RNF128: variants seen among roughly 807,000 people sequenced by gnomAD.
The protein encoded by RNF128 is E3 ubiquitin-protein ligase RNF128.
In RNF128, 13 loss-of-function variants were observed where a neutral mutation model predicts 26.2. The ratio of observed to expected loss-of-function variants is 0.50; its 90% CI spans 0.32 to 0.79. The LOEUF (loss-of-function observed/expected upper bound fraction) is 0.79. Ranked by LOEUF, RNF128 falls within the 30% of genes least tolerant of loss-of-function variation. RNF128 has a pLI of 0.03. For missense variants in RNF128, 315 were observed against 349.7 expected (o/e 0.90, Z 0.79); for synonymous variants, 149 against 142.5 (o/e 1.05, Z -0.32).
chrX:106,704,740 A>G (rs1032954064), intron 1 of RNF128, among the ~76,000 whole-genome samples: 1 of 111,854 alleles, frequency 8.9e-6, no homozygotes, highest in African/African-American at 3.2e-5. Context: ...TGAGTAGTAC[A>G]GAGAGAGGAG....
At chrX:106,731,942 C>T (rs747425876) in intron 1 of RNF128, among the ~76,000 whole-genome samples, 4 of 111,770 alleles carry the variant, frequency 3.6e-5, no homozygotes, top group Non-Finnish European at 5.6e-5. Context: ...CATCAGAACA[C>T]AGCTCTGATC....
At chrX:106,776,446 T>C (rs755016576) in intron 2 of RNF128, among the ~76,000 whole-genome samples, 106 of 111,776 alleles carry the variant, frequency 9.5e-4, no homozygotes, top group Non-Finnish European at 1.6e-3. Context: ...TAGAAGGAAA[T>C]CATCTTCCAA....
At chrX:106,735,544 TATA>T (rs1929581423) in intron 1 of RNF128, among the ~76,000 whole-genome samples, 1 of 111,903 alleles carries the variant, frequency 8.9e-6, no homozygotes, top group Non-Finnish European at 1.9e-5. Flanking sequence ...CTGACTTTCT[TATA>T]ATGAATGTTT....
intron 1 of RNF128, among the ~76,000 whole-genome samples, chrX:106,735,488 A>G (rs1366707634): frequency 8.9e-6 from 1 of 112,035 alleles, no homozygotes; most frequent in Non-Finnish European, 1.9e-5. Flanking sequence ...TGGTGAAATT[A>G]TAGGAGAAAG....
At chrX:106,787,362 A>G (rs757675118) in intron 3 of RNF128, among the ~76,000 whole-genome samples, 11 of 111,561 alleles carry the variant, frequency 9.9e-5, no homozygotes, top group Non-Finnish European at 1.9e-4. Flanking sequence ...TAGATAATGC[A>G]TGATTCCATT....
chrX:106,736,244 G>C (rs571571413), intron 1 of RNF128, among the ~76,000 whole-genome samples: 54 of 111,487 alleles, frequency 4.8e-4, no homozygotes, highest in South Asian at 2.6e-3. Context: ...TGAGTTACTT[G>C]TTTTTAAAAT....
intron 1 of RNF128, among the ~76,000 whole-genome samples, chrX:106,765,809 T>C (rs1930213422): frequency 9.0e-6 from 1 of 111,182 alleles, no homozygotes; most frequent in Admixed American, 9.6e-5. Context: ...GTTGGTGTGC[T>C]GCACCCATTA....
intron 1 of RNF128, among the ~76,000 whole-genome samples, chrX:106,718,527 C>G (rs936838653): frequency 9.1e-6 from 1 of 109,813 alleles, no homozygotes; most frequent in African/African-American, 3.3e-5. Flanking sequence ...TACCTCCCCC[C>G]ACCCCCCAGC....
chrX:106,751,537 G>A (rs1336051080), intron 1 of RNF128, among the ~76,000 whole-genome samples: 2 of 110,884 alleles, frequency 1.8e-5, no homozygotes, highest in Non-Finnish European at 3.8e-5. Flanking sequence ...TCTGTGCTGG[G>A]CTCAGAACCA....
intron 3 of RNF128, 37 bp downstream of exon 3, chrX:106,785,173 G>A (rs1430058214): frequency 3.0e-6 from 3 of 1,009,864 alleles, no homozygotes; most frequent in Non-Finnish European, 4.0e-6. Context: ...TTATTTTAAA[G>A]CAGTGCTACC....
At chrX:106,750,445 T>TA (rs1929863294) in intron 1 of RNF128, among the ~76,000 whole-genome samples, 1 of 111,825 alleles carries the variant, frequency 8.9e-6, no homozygotes, top group African/African-American at 3.3e-5. Context: ...TAGTCAAACT[T>TA]ATCATTAATG....
At chrX:106,764,207 C>A (rs1168075497) in intron 1 of RNF128, among the ~76,000 whole-genome samples, 3 of 108,029 alleles carry the variant, frequency 2.8e-5, no homozygotes, top group Non-Finnish European at 5.8e-5. Context: ...CCTCGTGATC[C>A]ACCCACCTCA....
intron 1 of RNF128, among the ~76,000 whole-genome samples, chrX:106,767,458 T>C: frequency 9.0e-6 from 1 of 111,583 alleles, no homozygotes; most frequent in Non-Finnish European, 1.9e-5. Flanking sequence ...TCCTAGGTAT[T>C]TTATTCTCTT....
At chrX:106,704,730 TGAGTAGTACAGAGA>T (rs772298610) in intron 1 of RNF128, among the ~76,000 whole-genome samples, 1 of 111,185 alleles carries the variant, frequency 9.0e-6, no homozygotes, top group East Asian at 2.9e-4. Context: ...AAGAAAGTAA[TGAGTAGTACAGAGA>T]GAGGAGCACA....
chrX:106,718,663 T>A (rs374649834), intron 1 of RNF128, among the ~76,000 whole-genome samples: 8 of 111,563 alleles, frequency 7.2e-5, no homozygotes, highest in African/African-American at 2.6e-4. Context: ...TTAAAGTTCT[T>A]GTACTTTATA....
intron 1 of RNF128, among the ~76,000 whole-genome samples, chrX:106,753,604 T>C: frequency 9.0e-6 from 1 of 110,970 alleles, no homozygotes; most frequent in African/African-American, 3.3e-5. Context: ...GAGTAAGAAC[T>C]TATCAATAAT....
rs541107148 is a variant in RNF128 at position 106,714,157 on chromosome X, G to C, written c.406+19749G>C. Among the ~76,000 whole-genome samples the C allele has an allele frequency of 3.1e-4, 30 of 97,461 alleles. No homozygotes were observed. In the South Asian group the frequency reaches 9.3e-3, roughly 30 times the overall value. The allele number at this position is 97,461 out of a possible 115,157, so 84.6% of individuals were successfully genotyped here. A position where few individuals can be genotyped will look rare whatever the true frequency, so the allele number is the denominator to read the frequency against. ...GGCATCACTGCACTCCAGCCTGGGC[G>C]ACAGAGTGAGACTCCGTCTCAAAAA... On this transcript the variant is annotated intron_variant, in intron 1 of 6. Transcript: ENST00000324342.
intron 1 of RNF128, among the ~76,000 whole-genome samples, chrX:106,735,581 G>A (rs1054653677): frequency 5.4e-5 from 6 of 111,159 alleles, no homozygotes; most frequent in South Asian, 3.8e-4. Context: ...AGAAAAATTC[G>A]TAGTTTTAAA....
chrX:106,717,697 G>T (rs954567048), intron 1 of RNF128, among the ~76,000 whole-genome samples: 1 of 112,059 alleles, frequency 8.9e-6, no homozygotes, highest in African/African-American at 3.2e-5. Context: ...CCCAATGATA[G>T]TTACTGCTTA....
Sources: allele counts gnomAD v4.1 joint callset (sites outside exome capture counted in the v4.1 genomes callset), GRCh38; gene constraint gnomAD v4.1.1; transcripts MANE v1.5; gene names NCBI Gene and HGNC (gene_info 2026-07-23, HGNC 2026-07-21).